Variants in EIPR1 observed in about 807,000 individuals in gnomAD.
EIPR1 encodes the protein EARP and GARP complex-interacting protein 1.
EIPR1 carries 25 observed loss-of-function variants against 48.1 expected under a neutral mutation model. That is an observed-to-expected ratio of 0.52 (90% CI 0.38 to 0.73). EIPR1 has a LOEUF of 0.73. EIPR1 is among the 30% of genes least tolerant of loss of function. The pLI, the probability that EIPR1 is intolerant of heterozygous loss-of-function variation, is 0.00. For missense variants in EIPR1, 415 were observed against 506.2 expected (o/e 0.82, Z 1.73); for synonymous variants, 204 against 201.9 (o/e 1.01, Z -0.09).
At chr2:3,198,053 C>G (rs755111020) in intron 5 of EIPR1, among the ~76,000 whole-genome samples, 15 of 152,218 alleles carry the variant, frequency 9.9e-5, no homozygotes, top group Non-Finnish European at 2.1e-4. Context: ...TCGGGGTGAA[C>G]AAGTCCCAGA....
intron 4 of EIPR1, among the ~76,000 whole-genome samples, chr2:3,246,819 G>GAGA (rs1666817590): frequency 1.8e-5 from 1 of 54,144 alleles, no homozygotes; most frequent in African/African-American, 8.5e-5. Flanking sequence ...GAGGGAGGGA[G>GAGA]GGAGGAAGGG....
intron 8 of EIPR1, among the ~76,000 whole-genome samples, chr2:3,192,002 C>T (rs1438124833): frequency 6.6e-6 from 1 of 152,220 alleles, no homozygotes; most frequent in Non-Finnish European, 1.5e-5. Flanking sequence ...TGATGGCCAA[C>T]AACCCGACCC....
intron 4 of EIPR1, among the ~76,000 whole-genome samples, chr2:3,227,875 G>A (rs914206118): frequency 1.3e-5 from 2 of 152,250 alleles, no homozygotes; most frequent in Non-Finnish European, 2.9e-5. Flanking sequence ...ACATGGTACC[G>A]AGCCCGTGGG....
chr2:3,189,540 G>A lies in EIPR1; in HGVS notation c.990-32C>T, dbSNP rs145929873. On this transcript the variant is annotated intron_variant, in intron 8 of 8. Transcript: ENST00000382125. The surrounding 1 kb of genome is among the most constrained non-coding windows in gnomAD (Gnocchi z 4.6). ...TGCAACAGAGGCAGACGTGAGCGCA[G>A]CAGCTCCGGCGGGGCGGGCAGGAGA... 142 of 1,509,332 alleles carry A rather than the reference G, an allele frequency of 9.4e-5. No homozygotes were observed. The East Asian group carries it at 3.4e-3, about 36-fold the overall frequency. The allele number at this position is 1,509,332 out of a possible 1,614,324, so 93.5% of individuals were successfully genotyped here.
intron 4 of EIPR1, among the ~76,000 whole-genome samples, chr2:3,225,219 G>GAT (rs1481908792): frequency 5.3e-5 from 5 of 94,676 alleles, no homozygotes; most frequent in South Asian, 4.4e-4. Context: ...AGTACACTGT[G>GAT]ATATGTGTGT....
At chr2:3,343,754 C>T (rs947205262) in intron 2 of EIPR1, among the ~76,000 whole-genome samples, 1 of 152,170 alleles carries the variant, frequency 6.6e-6, no homozygotes, top group Non-Finnish European at 1.5e-5. Flanking sequence ...GTGGCCACAG[C>T]CCAGGGCCAG....
chr2:3,234,510 G>A (rs796543113), intron 4 of EIPR1, among the ~76,000 whole-genome samples: 95 of 152,264 alleles, frequency 6.2e-4, no homozygotes, highest in African/African-American at 1.9e-3. Context: ...CACTGGGGAG[G>A]CCCAACATGG....
Position 3,303,063 on chromosome 2 carries a change from T to C in EIPR1, c.259+34954A>G, listed in dbSNP as rs147505729. Among the ~76,000 whole-genome samples the C allele has an allele frequency of 6.8e-3, 1,039 of 152,338 alleles. 9 individuals are homozygous for C. The highest frequency in any genetic ancestry group is 0.024 in the African/African-American group (979 of 41,572). On this transcript the variant is annotated intron_variant, in intron 3 of 8. Transcript: ENST00000382125. ...AGTGACAGTGGCGCTGGCTCACAGC[T>C]GCACTCAGTTGTGGTGACAGCCAGT...
At chr2:3,201,667 A>G (rs183388749) in intron 5 of EIPR1, among the ~76,000 whole-genome samples, 1 of 152,308 alleles carries the variant, frequency 6.6e-6, no homozygotes, top group East Asian at 1.9e-4. Flanking sequence ...AAGAAAACAG[A>G]GCTGGAAAAT....
At position 3,282,226 on chromosome 2, in the gene EIPR1, C is replaced by T. The variant is rs372056376; in HGVS notation, c.260-24771G>A. ...ACCATCACCAGCCCCGGGCCACCGTCAGGTGGGGGCACTGCCCCTCTGTGC... is the reference window on the plus strand; with the variant it reads ...ACCATCACCAGCCCCGGGCCACCGTTAGGTGGGGGCACTGCCCCTCTGTGC... On this transcript the variant is annotated intron_variant, in intron 3 of 8. Transcript: ENST00000382125. 2.0e-5 allele frequency among the ~76,000 whole-genome samples: 3 copies of T among 152,374 alleles called. 1 individual carries two copies. The highest frequency in any genetic ancestry group is 7.2e-5 in the African/African-American group (3 of 41,600).
chr2:3,377,272 A>C (rs1199599356), intron 1 of EIPR1: 1 of 231,058 alleles, frequency 4.3e-6, no homozygotes, highest in African/African-American at 2.2e-5. Flanking sequence ...TAAATACTTT[A>C]AATTGTTTCA....
chr2:3,266,941 G>A (rs1667507943), intron 3 of EIPR1, among the ~76,000 whole-genome samples: 1 of 152,256 alleles, frequency 6.6e-6, no homozygotes, highest in South Asian at 2.1e-4. Context: ...ACAGGCCTAT[G>A]GCCCCTCAGT....
intron 4 of EIPR1, among the ~76,000 whole-genome samples, chr2:3,226,114 T>A (rs1371653997): frequency 1.1e-4 from 17 of 152,230 alleles, no homozygotes; most frequent in Admixed American, 1.1e-3. Context: ...GGTGCAGGGA[T>A]CTCTTTGAGC....
intron 1 of EIPR1, among the ~76,000 whole-genome samples, chr2:3,360,285 T>C (rs184478139): frequency 3.3e-5 from 5 of 152,042 alleles, no homozygotes; most frequent in Middle Eastern, 3.4e-3. Context: ...GCGCCTGTAA[T>C]CTCAGCTACT....
chr2:3,191,169 C>T (rs995495642), intron 8 of EIPR1, among the ~76,000 whole-genome samples: 10 of 145,668 alleles, frequency 6.9e-5, no homozygotes, highest in Admixed American at 1.4e-4. Context: ...AGAAAGGGTC[C>T]AAAGACAGAG....
At chr2:3,240,710 C>CTT (rs1415009858) in intron 4 of EIPR1, among the ~76,000 whole-genome samples, 5,919 of 138,984 alleles carry the variant, frequency 0.043, no homozygotes, top group Non-Finnish European at 0.053. Flanking sequence ...GCCAGCAGAT[C>CTT]CCTCCTAAAG....
intron 4 of EIPR1, among the ~76,000 whole-genome samples, chr2:3,216,824 T>C (rs542483479): frequency 6.6e-6 from 1 of 152,260 alleles, no homozygotes; most frequent in Non-Finnish European, 1.5e-5. Flanking sequence ...AGAGTGAAGA[T>C]GTCATATTAA....
At chr2:3,334,902 G>A (rs1005644788) in intron 3 of EIPR1, among the ~76,000 whole-genome samples, 2 of 152,202 alleles carry the variant, frequency 1.3e-5, no homozygotes, top group Non-Finnish European at 2.9e-5. Flanking sequence ...TGGAAATCAC[G>A]AGATCCAGGG....
At chr2:3,232,948 C>T (rs994984576) in intron 4 of EIPR1, among the ~76,000 whole-genome samples, 7 of 152,182 alleles carry the variant, frequency 4.6e-5, no homozygotes, top group South Asian at 2.1e-4. Flanking sequence ...ACACAAGAAG[C>T]CTCTTGCCTT....
Sources: allele counts gnomAD v4.1 joint callset (sites outside exome capture counted in the v4.1 genomes callset), GRCh38; gene constraint gnomAD v4.1.1; non-coding constraint Gnocchi (gnomAD v3.1); transcripts MANE v1.5; gene names NCBI Gene and HGNC (gene_info 2026-07-23, HGNC 2026-07-21).